DNAH11: variants seen among roughly 807,000 people sequenced by gnomAD.
DNAH11 encodes the protein dynein axonemal heavy chain 11, also known as axonemal beta dynein heavy chain 11.
DNAH11 carries 442 observed loss-of-function variants against 526.0 expected under a neutral mutation model. The observed-to-expected ratio is 0.84, with a 90% CI of 0.78 to 0.91. DNAH11 has a LOEUF of 0.91. Ranked by LOEUF, DNAH11 falls within the 40% of genes least tolerant of loss-of-function variation. The pLI is 0.00. For missense variants in DNAH11, 6,989 were observed against 5,448.7 expected (o/e 1.28, Z -8.90); for synonymous variants, 2,461 against 1,935.9 (o/e 1.27, Z -7.12).
chr7:21,781,375 A>T (rs1583688476), intron 57 of DNAH11, among the ~76,000 whole-genome samples: 1 of 152,174 alleles, frequency 6.6e-6, no homozygotes, highest in African/African-American at 2.4e-5. Flanking sequence ...GGCGATTTGA[A>T]CCACTGGGCA....
At chr7:21,840,681 A>C (rs1194548018) in intron 65 of DNAH11, among the ~76,000 whole-genome samples, 1 of 152,192 alleles carries the variant, frequency 6.6e-6, no homozygotes, top group Non-Finnish European at 1.5e-5. Context: ...AAAACATCTC[A>C]TGTACCCCAT....
Position 21,748,300 on chromosome 7 carries a change from A to G in DNAH11, c.8511-280A>G, listed in dbSNP as rs2270021. ...GGAGTTCAAGACCAGCCTGGCCAACATAGTGAAACCCCGTCTCTACTAAAA... is the reference window on the plus strand; with the variant it reads ...GGAGTTCAAGACCAGCCTGGCCAACGTAGTGAAACCCCGTCTCTACTAAAA... On this transcript the variant is annotated intron_variant, in intron 51 of 81. Transcript: ENST00000409508. 0.52 allele frequency among the ~76,000 whole-genome samples: 78,327 copies of G among 152,042 alleles called. 22,719 individuals are homozygous for G. Among genetic ancestry groups the G allele is most frequent in the Non-Finnish European group, 0.66 (44,836 of 67,944 alleles).
intron 44 of DNAH11, 45 bp downstream of exon 44, chr7:21,720,901 G>A: frequency 1.3e-6 from 2 of 1,598,186 alleles, no homozygotes; most frequent in Non-Finnish European, 8.5e-7. Context: ...AGTTTTGTGT[G>A]GGACAGGGTC....
intron 61 of DNAH11, among the ~76,000 whole-genome samples, chr7:21,799,201 C>G (rs941001222): frequency 1.1e-4 from 16 of 152,164 alleles, no homozygotes; most frequent in Non-Finnish European, 2.2e-4. Flanking sequence ...CAACTTGATA[C>G]TGCTTAGCTG....
At chr7:21,565,970 A>C (rs1783650689) in intron 6 of DNAH11, among the ~76,000 whole-genome samples, 1 of 152,120 alleles carries the variant, frequency 6.6e-6, no homozygotes, top group African/African-American at 2.4e-5. Flanking sequence ...CTTTTGTTAA[A>C]CAGGTTCCCT....
In DNAH11 at chr7:21,738,661, A is replaced by G. The variant is rs1214378814; in HGVS notation, c.7646-40A>G. 6 of 1,508,228 alleles carry G rather than the reference A, an allele frequency of 4.0e-6. No individual in the cohort carries two copies. The East Asian group carries it at 9.8e-5, about 25-fold the overall frequency. 93.4% of individuals were successfully genotyped at this position (1,508,228 alleles called of 1,614,324 possible). A position where few individuals can be genotyped will look rare whatever the true frequency, so the allele number is the denominator to read the frequency against. On this transcript the variant is annotated intron_variant, in intron 46 of 81. Coordinates refer to ENST00000409508, the MANE Select transcript of DNAH11 (RefSeq NM_001277115.2). ...GAAAAATGACTAAATGAACATTTAC[A>G]TTCTGTTGATGGGTGGACAGAAATA...
At chr7:21,747,990 T>G (rs1406568291) in intron 51 of DNAH11, among the ~76,000 whole-genome samples, 1 of 152,252 alleles carries the variant, frequency 6.6e-6, no homozygotes, top group African/African-American at 2.4e-5. Context: ...ATTTTCTTTT[T>G]GGACTTTTGG....
At chr7:21,696,872 G>A (rs1298351136) in intron 35 of DNAH11, among the ~76,000 whole-genome samples, 1 of 152,078 alleles carries the variant, frequency 6.6e-6, no homozygotes, top group Non-Finnish European at 1.5e-5. Context: ...CACCCAATAT[G>A]GTATGAAGTG....
chr7:21,721,789 A>T (rs949154697), intron 44 of DNAH11, among the ~76,000 whole-genome samples: 1 of 152,092 alleles, frequency 6.6e-6, no homozygotes, highest in Non-Finnish European at 1.5e-5. Flanking sequence ...GGGGATCACA[A>T]TTCGGTTTGT....
intron 56 of DNAH11, among the ~76,000 whole-genome samples, chr7:21,776,733 T>C (rs1464751576): frequency 6.6e-6 from 1 of 152,188 alleles, no homozygotes; most frequent in Non-Finnish European, 1.5e-5. Flanking sequence ...TGTCCTAGTC[T>C]CTTGGGTGAT....
chr7:21,745,610 C>A (rs748729630), intron 51 of DNAH11, among the ~76,000 whole-genome samples: 1 of 152,196 alleles, frequency 6.6e-6, no homozygotes, highest in Non-Finnish European at 1.5e-5. Flanking sequence ...GTTCTAGGTG[C>A]TGAGATACAG....
chr7:21,867,744 T>C lies in DNAH11; in HGVS notation c.11691-115T>C, dbSNP rs978678608. The C allele has an allele frequency of 5.7e-6, 5 of 873,460 alleles. No homozygotes were observed. In the African/African-American group the frequency reaches 6.7e-5, roughly 12 times the overall value. The allele number at this position is 873,460 out of a possible 1,614,324, so 54.1% of individuals were successfully genotyped here. ...ATTGTTATTCTAACAAGACATCCCATGTAATAAACCTGGTTACTTCTATCG... is the reference window on the plus strand; with the variant it reads ...ATTGTTATTCTAACAAGACATCCCACGTAATAAACCTGGTTACTTCTATCG... On this transcript the variant is annotated intron_variant, in intron 71 of 81. Coordinates refer to ENST00000409508, the MANE Select transcript of DNAH11 (RefSeq NM_001277115.2).
rs999059621 is a variant in DNAH11 at position 21,868,988 on chromosome 7, C to T, written c.11964C>T (p.Leu3988=). ...KASKGGHWVI[L]QNVHLVAKWL... ...CCAAAGGAGGACACTGGGTCATCCT[C>T]CAAGTGAGTATTAAGTTTCAGGGAA... Residue 3988 remains leucine (L), a synonymous_variant, in exon 73 of 82, where the codon CTC becomes CTT. Transcript: ENST00000409508. 2 of 1,613,792 alleles carry T rather than the reference C, an allele frequency of 1.2e-6. No individual in the cohort carries two copies. Among genetic ancestry groups the T allele is most frequent in the Non-Finnish European group, 1.7e-6 (2 of 1,179,848 alleles).
chr7:21,701,034 C>T (rs1784035417), intron 36 of DNAH11, among the ~76,000 whole-genome samples: 1 of 152,052 alleles, frequency 6.6e-6, no homozygotes, highest in South Asian at 2.1e-4. Flanking sequence ...GTACAGCAAA[C>T]CACCATGGTA....
At chr7:21,559,488 T>A (rs1191707642) in intron 3 of DNAH11, 115 bp from the exon 4 acceptor site, 1 of 867,686 alleles carries the variant, frequency 1.2e-6, no homozygotes, top group Non-Finnish European at 1.7e-6. Flanking sequence ...TAATGGATTT[T>A]CAAGAATTTA....
chr7:21,818,078 C>A, intron 64 of DNAH11, 139 bp from the exon 65 acceptor site: 2 of 729,598 alleles, frequency 2.7e-6, no homozygotes, highest in Non-Finnish European at 2.1e-6. Context: ...TGGAAGGGAA[C>A]TACTACTTTA....
chr7:21,879,689 G>C (rs918698864), intron 74 of DNAH11, among the ~76,000 whole-genome samples: 4 of 152,140 alleles, frequency 2.6e-5, no homozygotes, highest in Non-Finnish European at 5.9e-5. Flanking sequence ...AGGCAGCTTT[G>C]TTCCATGAGA....
chr7:21,673,009 G>A (rs774110545), intron 30 of DNAH11, among the ~76,000 whole-genome samples: 5 of 152,122 alleles, frequency 3.3e-5, no homozygotes, highest in Non-Finnish European at 7.4e-5. Context: ...CCCCAATGGT[G>A]GTCAAGATTG....
At chr7:21,658,675 A>G (rs1782119615) in intron 29 of DNAH11, 123 bp from the exon 30 acceptor site, 2 of 703,668 alleles carry the variant, frequency 2.8e-6, no homozygotes, top group Non-Finnish European at 4.4e-6. Flanking sequence ...GCAGTTTTCT[A>G]CCTGGGTTTA....
Sources: gnomAD v4.1 joint callset for allele counts (sites outside exome capture counted in the v4.1 genomes callset) on GRCh38, gnomAD v4.1.1 for gene constraint, MANE v1.5 for transcripts, NCBI Gene and HGNC (gene_info 2026-07-23, HGNC 2026-07-21) for gene names.